Variants in ITM2B observed in about 807,000 individuals in gnomAD.
ITM2B encodes ABri/ADan amyloid peptide.
A neutral mutation model predicts 27.8 loss-of-function variants in ITM2B; 11 were observed. That is an observed-to-expected ratio of 0.40 (90% CI 0.25 to 0.66). The LOEUF (loss-of-function observed/expected upper bound fraction) is 0.66. ITM2B is among the 30% of genes least tolerant of loss of function. The pLI is 0.43. For synonymous variants in ITM2B, 114 were observed against 114.3 expected (o/e 1.00, Z 0.02); for missense variants, 296 against 328.9 (o/e 0.90, Z 0.77).
chr13:48,255,643 A>G (rs1005210065), intron 2 of ITM2B, among the ~76,000 whole-genome samples: 1 of 152,196 alleles, frequency 6.6e-6, no homozygotes, highest in Non-Finnish European at 1.5e-5. Context: ...AGACAGTAGC[A>G]TAAAGATTTG....
At chr13:48,255,260 CGCGTGT>C (rs1951779632) in intron 2 of ITM2B, among the ~76,000 whole-genome samples, 1 of 151,098 alleles carries the variant, frequency 6.6e-6, no homozygotes, top group Non-Finnish European at 1.5e-5. Context: ...TGTGTGCGCG[CGCGTGT>C]GCGTGCGCGC....
chr13:48,251,322 G>GTATTTTCTC (rs1333039566), intron 1 of ITM2B, among the ~76,000 whole-genome samples: 2 of 152,142 alleles, frequency 1.3e-5, no homozygotes, highest in Non-Finnish European at 2.9e-5. Context: ...TTCCACTAAA[G>GTATTTTCTC]TATTTTCTCC....
intron 5 of ITM2B, among the ~76,000 whole-genome samples, chr13:48,260,219 G>A (rs912646964): frequency 6.6e-6 from 1 of 152,150 alleles, no homozygotes; most frequent in African/African-American, 2.4e-5. Context: ...TGGTGCATAT[G>A]TGCCACATTT....
rs1566163996 is a variant in ITM2B at position 48,258,226 on chromosome 13, T to C, written c.554T>C (p.Ile185Thr). 1 of 1,490,036 alleles carries C rather than the reference T, an allele frequency of 6.7e-7. No homozygotes were observed. Among genetic ancestry groups the C allele is most frequent in the South Asian group, 1.1e-5 (1 of 88,546 alleles). 92.3% of individuals were successfully genotyped at this position (1,490,036 alleles called of 1,614,324 possible). A position where few individuals can be genotyped will look rare whatever the true frequency, so the allele number is the denominator to read the frequency against. Residue 185 changes from isoleucine to threonine, a missense_variant, in exon 4 of 6, where the codon ATT becomes ACT. Ile to Thr is a moderately conservative substitution (Grantham distance 89, BLOSUM62 -1). Coordinates refer to ENST00000647800, the MANE Select transcript of ITM2B (RefSeq NM_021999.5). ...CCCAGAAACCTACTGGAGTTACTTA[T>C]TAACATCAAGGTATAAGAATGTTGA... is the stretch of plus-strand genomic sequence containing the variant. ...MPPRNLLELL[I>T]NIKAGTYLPQ...
chr13:48,248,928 TC>T (rs893023387), intron 1 of ITM2B, among the ~76,000 whole-genome samples: 1 of 152,246 alleles, frequency 6.6e-6, no homozygotes, highest in Non-Finnish European at 1.5e-5. Context: ...ACACACTTTT[TC>T]TAGCACTTGG....
At position 48,269,982 on chromosome 13, in the gene ITM2B, CCTT is replaced by C. The variant is rs1275126406; in HGVS notation, c.*8762_*8764del. The stretch of plus-strand genomic sequence containing the variant: ...TGGAGACAAGCTTTCCCTTGGCTTC[CCTT>C]CTTTTCTCACAGAGGCTTTTCCAGA... On this transcript the variant is annotated 3_prime_UTR_variant, in exon 6 of 6. Coordinates refer to ENST00000647800, the MANE Select transcript of ITM2B (RefSeq NM_021999.5). 1.3e-5 allele frequency: 2 copies of C among 152,234 alleles called. No homozygotes were observed. Among genetic ancestry groups the C allele is most frequent in the Non-Finnish European group, 2.9e-5 (2 of 68,072 alleles). 9.4% of individuals were successfully genotyped at this position (152,234 alleles called of 1,614,324 possible).
chr13:48,236,704 A>T (rs1951670943), intron 1 of ITM2B, among the ~76,000 whole-genome samples: 2 of 152,192 alleles, frequency 1.3e-5, no homozygotes, highest in South Asian at 4.1e-4. Flanking sequence ...AATAAAGCAC[A>T]TTGTCACTTC....
chr13:48,260,606 G>C (rs969126307), intron 5 of ITM2B, among the ~76,000 whole-genome samples: 1 of 151,032 alleles, frequency 6.6e-6, no homozygotes, highest in African/African-American at 2.5e-5. Context: ...TTATAAGTGA[G>C]AGCATTGTAA....
chr13:48,256,474 TATTTA>T, intron 3 of ITM2B, 91 bp downstream of exon 3: 1 of 1,032,300 alleles, frequency 9.7e-7, no homozygotes, highest in Non-Finnish European at 1.5e-6. Context: ...TAATTTATTA[TATTTA>T]GAGTTTAGTT....
intron 1 of ITM2B, among the ~76,000 whole-genome samples, chr13:48,237,629 TTTAAA>T (rs1401776863): frequency 1.3e-5 from 2 of 152,252 alleles, no homozygotes; most frequent in Non-Finnish European, 2.9e-5. Flanking sequence ...TACAGGCCTA[TTTAAA>T]TTAATTTAGA....
At chr13:48,253,691 C>T (rs1328071418) in intron 1 of ITM2B, 117 bp from the exon 2 acceptor site, 1 of 1,033,976 alleles carries the variant, frequency 9.7e-7, no homozygotes, top group African/African-American at 1.6e-5. Flanking sequence ...AGACACAACT[C>T]CTTTGGTCTT....
chr13:48,256,239 C>G lies in ITM2B; in HGVS notation c.309C>G (p.Pro103=). 6.2e-7 allele frequency: 1 copy of G among 1,613,316 alleles called. No homozygotes were observed. Among genetic ancestry groups the G allele is most frequent in the South Asian group, 1.1e-5 (1 of 91,068 alleles). ...YIKDDVILNE[P]SADAPAALYQ... is the part of the protein sequence containing the mutation. The stretch of plus-strand genomic sequence containing the variant: ...AAGATGATGTCATCTTAAATGAGCC[C>G]TCTGCAGATGCCCCAGCTGCTCTCT... The change falls in exon 3 of 6, where the codon CCC becomes CCG. Residue 103 remains proline (P), a synonymous_variant. Transcript: ENST00000647800.
At chr13:48,242,994 T>C (rs1452321586) in intron 1 of ITM2B, among the ~76,000 whole-genome samples, 1 of 152,230 alleles carries the variant, frequency 6.6e-6, no homozygotes, top group Non-Finnish European at 1.5e-5. Flanking sequence ...TCTTGATAGC[T>C]TTTTAAAGAT....
Position 48,264,985 on chromosome 13 carries a change from C to T in ITM2B, c.*3761C>T, listed in dbSNP as rs777804509. ...TTCCACACTTTTAATCTTCCAGCCA[C>T]CTATTGCAGATTGGTTCTGAGAAGC... is the stretch of plus-strand genomic sequence containing the variant. On this transcript the variant is annotated 3_prime_UTR_variant, in exon 6 of 6. Coordinates refer to ENST00000647800, the MANE Select transcript of ITM2B (RefSeq NM_021999.5). 1.3e-5 allele frequency: 2 copies of T among 152,034 alleles called. No individual in the cohort carries two copies. Among genetic ancestry groups the T allele is most frequent in the Non-Finnish European group, 2.9e-5 (2 of 68,020 alleles). 9.4% of individuals were successfully genotyped at this position (152,034 alleles called of 1,614,324 possible). A position where few individuals can be genotyped will look rare whatever the true frequency, so the allele number is the denominator to read the frequency against.
Position 48,233,477 on chromosome 13 carries a change from G to T in ITM2B, c.117G>T (p.Lys39Asn). The T allele has an allele frequency of 6.6e-7, 1 of 1,520,074 alleles. No individual in the cohort carries two copies. The highest frequency in any genetic ancestry group is 8.8e-7 in the Non-Finnish European group (1 of 1,132,964). 94.2% of individuals were successfully genotyped at this position (1,520,074 alleles called of 1,614,324 possible). ...CCGACGCCGTCGCGGTGGACTGCAA[G>T]GTCCGAGCCCGGGGAGGTCGAGGAA... The part of the protein sequence containing the change: ...IPPDAVAVDC[K>N]DPDDVVPVGQ... The change falls in exon 1 of 6, where the codon AAG (lysine) becomes AAT (asparagine). Residue 39 changes from lysine (K) to asparagine (N), a missense_variant and splice_region_variant. By Grantham distance (94) the Lys-to-Asn change is moderately conservative (BLOSUM62 0). Transcript: ENST00000647800.
rs2053996873 is a variant in ITM2B at position 48,261,499 on chromosome 13, A to T, written c.*275A>T. 3.8e-6 allele frequency: 1 copy of T among 265,666 alleles called. No individual in the cohort carries two copies. The highest frequency in any genetic ancestry group is 7.1e-6 in the Non-Finnish European group (1 of 140,022). The allele number at this position is 265,666 out of a possible 1,614,324, so 16.5% of individuals were successfully genotyped here. ...AGTAGGAAGAATTACAATTTCTTTA[A>T]ATCATTTATCTGGATTTTTATGTTT... is the stretch of plus-strand genomic sequence containing the variant. On this transcript the variant is annotated 3_prime_UTR_variant, in exon 6 of 6. Coordinates refer to ENST00000647800, the MANE Select transcript of ITM2B (RefSeq NM_021999.5).
Position 48,233,382 on chromosome 13 carries a change from T to C in ITM2B, c.22T>C (p.Ser8Pro), listed in dbSNP as rs1474201024. ...CGCCATGGTGAAGGTGACGTTCAAC[T>C]CCGCTCTGGCCCAGAAGGAGGCCAA... Reference protein sequence around the residue: MVKVTFNSALAQKEAKKD... With the variant: MVKVTFNPALAQKEAKKD... The change falls in exon 1 of 6, where the codon TCC (serine) becomes CCC (proline). Residue 8 changes from serine (S) to proline (P), a missense_variant. Coordinates refer to ENST00000647800, the MANE Select transcript of ITM2B (RefSeq NM_021999.5). 1.3e-6 allele frequency: 2 copies of C among 1,564,810 alleles called. No individual in the cohort carries two copies.
chr13:48,260,018 G>A (rs888553353), intron 5 of ITM2B, among the ~76,000 whole-genome samples: 3 of 152,020 alleles, frequency 2.0e-5, no homozygotes, highest in Middle Eastern at 3.4e-3. Context: ...CTCCCGACAG[G>A]CCCCAGTGTG....
chr13:48,237,551 C>CTT (rs1951675092), intron 1 of ITM2B, among the ~76,000 whole-genome samples: 1 of 152,168 alleles, frequency 6.6e-6, no homozygotes, highest in Admixed American at 6.5e-5. Flanking sequence ...GAATTCAACT[C>CTT]TGACATATAA....
Sources: allele counts gnomAD v4.1 joint callset (sites outside exome capture counted in the v4.1 genomes callset), GRCh38; gene constraint gnomAD v4.1.1; transcripts MANE v1.5; gene names NCBI Gene and HGNC (gene_info 2026-07-23, HGNC 2026-07-21).